Variants in ALPK1 observed in about 807,000 individuals in gnomAD.
ALPK1 encodes alpha-protein kinase 1.
Under a neutral mutation model 120.6 loss-of-function variants are expected in ALPK1, and 110 were observed. The observed-to-expected ratio is 0.91, with a 90% confidence interval of 0.78 to 1.07. The LOEUF (loss-of-function observed/expected upper bound fraction) is 1.07. Among genes scored for constraint, ALPK1 ranks in the 50% least tolerant of loss-of-function variants. ALPK1 has a pLI of 0.00. For synonymous variants in ALPK1, 582 were observed against 560.3 expected, an observed-to-expected ratio of 1.04 and a Z score of -0.55; for missense variants, 1,498 against 1,483.9, an observed-to-expected ratio of 1.01 and a Z score of -0.16.
chr4:112,390,026 C>G (rs922179512), intron 4 of ALPK1, among the ~76,000 whole-genome samples: 9 of 152,216 alleles, frequency 5.9e-5, no homozygotes, highest in Non-Finnish European at 1.2e-4. Context: ...ACACATCTAC[C>G]CCACTTCACT....
At chr4:112,406,609 T>C (rs1012290663) in intron 4 of ALPK1, among the ~76,000 whole-genome samples, 8 of 152,116 alleles carry the variant, frequency 5.3e-5, no homozygotes. Context: ...AACCAAGTCA[T>C]AGAAACCACA....
At chr4:112,324,098 C>T (rs1020720416) in intron 2 of ALPK1, among the ~76,000 whole-genome samples, 12 of 152,008 alleles carry the variant, frequency 7.9e-5, no homozygotes, top group Non-Finnish European at 1.2e-4. Context: ...GAGGCCAAGG[C>T]GGGCGGATCA....
Position 112,375,821 on chromosome 4 carries a change from C to T in ALPK1, c.-100-1857C>T, listed in dbSNP as rs538857820. Among the ~76,000 whole-genome samples, 5 of 151,376 alleles carry T rather than the reference C, an allele frequency of 3.3e-5. No individual in the cohort carries two copies. The South Asian group carries it at 1.0e-3, about 32-fold the overall frequency. On this transcript the variant is annotated intron_variant, in intron 2 of 15. Coordinates refer to ENST00000650871, the MANE Select transcript of ALPK1 (RefSeq NM_025144.4). Reference sequence around the variant, plus strand: ...CTATCTTTTGGCCTATCTTGACTTTCAACATGCCTTTCTCTCTCAGCTTAA... The same window carrying T: ...CTATCTTTTGGCCTATCTTGACTTTTAACATGCCTTTCTCTCTCAGCTTAA...
chr4:112,391,501 T>C (rs559190456), intron 4 of ALPK1, among the ~76,000 whole-genome samples: 131 of 152,294 alleles, frequency 8.6e-4, no homozygotes, highest in Non-Finnish European at 1.1e-3. Context: ...AGGACTTTAT[T>C]TGAAAATAAA....
chr4:112,386,886 G>A (rs1324596112), intron 4 of ALPK1, among the ~76,000 whole-genome samples: 2 of 152,072 alleles, frequency 1.3e-5, no homozygotes, highest in South Asian at 2.1e-4. Context: ...GAAAGTAAGC[G>A]CTCCTTCAGC....
intron 2 of ALPK1, among the ~76,000 whole-genome samples, chr4:112,325,164 T>A (rs1055682266): frequency 2.0e-5 from 3 of 152,250 alleles, no homozygotes; most frequent in African/African-American, 7.2e-5. Context: ...TAATCACTGA[T>A]GAAGTTCAAA....
At chr4:112,379,770 AC>A (rs2148727681) in intron 3 of ALPK1, among the ~76,000 whole-genome samples, 1 of 152,238 alleles carries the variant, frequency 6.6e-6, no homozygotes, top group African/African-American at 2.4e-5. Flanking sequence ...ATGGGTGACT[AC>A]CCCAGCAACT....
At chr4:112,394,390 G>A (rs1732560301) in intron 4 of ALPK1, among the ~76,000 whole-genome samples, 1 of 152,164 alleles carries the variant, frequency 6.6e-6, no homozygotes, top group Non-Finnish European at 1.5e-5. Context: ...TTCTTTTGCT[G>A]AACATTATAG....
intron 2 of ALPK1, chr4:112,358,031 G>A (rs1730724261): frequency 1.6e-5 from 10 of 614,036 alleles, no homozygotes; most frequent in South Asian, 1.5e-4. Flanking sequence ...AGACACTAAT[G>A]GCAGTAGTGT....
intron 11 of ALPK1, 98 bp downstream of exon 11, chr4:112,432,679 G>T: frequency 4.2e-6 from 5 of 1,181,116 alleles, no homozygotes; most frequent in Non-Finnish European, 6.0e-6. Context: ...CTCATGAAAG[G>T]TATAGAACCC....
At chr4:112,382,260 C>T (rs374945203) in intron 3 of ALPK1, 138 bp from the exon 4 acceptor site, 3 of 1,061,254 alleles carry the variant, frequency 2.8e-6, no homozygotes, top group East Asian at 2.6e-5. Flanking sequence ...CTTAGACCAG[C>T]CAGCAAGAGG....
intron 2 of ALPK1, among the ~76,000 whole-genome samples, chr4:112,350,821 AG>A (rs1415718763): frequency 6.6e-6 from 1 of 152,178 alleles, no homozygotes; most frequent in Non-Finnish European, 1.5e-5. Context: ...CTCAAGTTGA[AG>A]GCTCTTTAAA....
chr4:112,412,054 C>G lies in ALPK1; in HGVS notation c.475+29C>G, dbSNP rs778174100. 5.0e-6 allele frequency: 8 copies of G among 1,611,512 alleles called. No individual in the cohort carries two copies. In the East Asian group the frequency reaches 1.8e-4, roughly 36 times the overall value. On this transcript the variant is annotated intron_variant, in intron 5 of 15. Transcript: ENST00000650871. ...TGCTCCCTCCTGCTGGCCGCCCCCG[C>G]GTCCTCAGTGTCTTCTGGTCCCCTT...
intron 6 of ALPK1, among the ~76,000 whole-genome samples, chr4:112,424,685 G>C (rs1335217734): frequency 6.6e-6 from 1 of 152,160 alleles, no homozygotes; most frequent in South Asian, 2.1e-4. Flanking sequence ...TGGGGAGACA[G>C]TTTGGAATCC....
intron 2 of ALPK1, among the ~76,000 whole-genome samples, chr4:112,365,518 T>A (rs1220875893): frequency 6.6e-6 from 1 of 152,142 alleles, no homozygotes; most frequent in Non-Finnish European, 1.5e-5. Flanking sequence ...GAAAGACATC[T>A]GCAAAGAAAA....
Position 112,430,501 on chromosome 4 carries a change from A to G in ALPK1, c.954A>G (p.Pro318=). 3.7e-6 allele frequency: 6 copies of G among 1,613,728 alleles called. No homozygotes were observed. Among genetic ancestry groups the G allele is most frequent in the Non-Finnish European group, 5.1e-6 (6 of 1,179,772 alleles). Residue 318 remains proline, a synonymous_variant, in exon 11 of 16, where the codon CCA becomes CCG. Transcript: ENST00000650871. ...LSYSSSNDCP[P]ELKNLHLCEA... ...ACAGTAGTTCAAATGACTGTCCTCC[A>G]GAATTGAAAAACTTACATCTGTGTG...
At position 112,431,941 on chromosome 4, in the gene ALPK1, AC is replaced by A; in HGVS notation, c.2397del (p.Leu800Ter). 1 of 1,614,092 alleles carries A rather than the reference AC, an allele frequency of 6.2e-7. No homozygotes were observed. The highest frequency in any genetic ancestry group is 8.5e-7 in the Non-Finnish European group (1 of 1,180,040). ...AAACAGCAGAAAGCACTGAAGATGCACCCTTAGACTTTCACAGGGTCCTGCA... is the reference window on the plus strand; with the variant it reads ...AAACAGCAGAAAGCACTGAAGATGCACCTTAGACTTTCACAGGGTCCTGCA... ...GETAESTEDAPLDFHRVLHNS... is the reference protein window; with the variant it reads ...GETAESTEDAXLDFHRVLHNS... On this transcript the variant is annotated frameshift_variant, in exon 11 of 16. Transcript: ENST00000650871. LOFTEE classifies it high-confidence loss of function.
chr4:112,304,962 A>C (rs1306853626), intron 1 of ALPK1, among the ~76,000 whole-genome samples: 3 of 152,102 alleles, frequency 2.0e-5, no homozygotes, highest in Non-Finnish European at 4.4e-5. Context: ...TCAGTTTTCT[A>C]CATATGGCTA....
rs72896924 is a variant in ALPK1 at position 112,340,247 on chromosome 4, A to G, written c.-101+24395A>G. Among the ~76,000 whole-genome samples the G allele has an allele frequency of 3.7e-3, 559 of 152,384 alleles. 5 individuals are homozygous for G. Among genetic ancestry groups the G allele is most frequent in the African/African-American group, 0.013 (535 of 41,594 alleles). ...GAGCATTCAATGCTGGATTTCATGT[A>G]GAGCAGAATATGCTAATGAAATGTA... On this transcript the variant is annotated intron_variant, in intron 2 of 15. Transcript: ENST00000650871.
Sources: allele counts gnomAD v4.1 joint callset (sites outside exome capture counted in the v4.1 genomes callset), GRCh38; gene constraint gnomAD v4.1.1; transcripts MANE v1.5; gene names NCBI Gene and HGNC (gene_info 2026-07-23, HGNC 2026-07-21).